Variants in SPOPL observed in about 807,000 individuals in gnomAD.
SPOPL encodes the protein speckle-type POZ protein-like.
SPOPL carries 23 observed loss-of-function variants against 53.8 expected under a neutral mutation model. That is an observed-to-expected ratio of 0.43 (90% confidence interval 0.31 to 0.61). The LOEUF is 0.61. Among genes scored for constraint, SPOPL ranks in the 20% least tolerant of loss-of-function variants. The probability of loss-of-function intolerance (pLI) is 0.12; values close to 1 mark genes in which losing one functional copy is unlikely to be tolerated. For missense variants in SPOPL, 442 were observed against 466.9 expected (o/e 0.95, Z 0.49); for synonymous variants, 164 against 149.7 (o/e 1.10, Z -0.70).
intron 5 of SPOPL, among the ~76,000 whole-genome samples, chr2:138,555,198 TTG>T (rs912054596): frequency 1.3e-5 from 2 of 149,676 alleles, no homozygotes; most frequent in Non-Finnish European, 3.0e-5. Context: ...AATAAACTCA[TTG>T]TCTCAGTAAA....
chr2:138,557,134 C>T (rs6707390), intron 5 of SPOPL, among the ~76,000 whole-genome samples: 17 of 151,302 alleles, frequency 1.1e-4, no homozygotes, highest in African/African-American at 3.9e-4. Flanking sequence ...CCAGCCTGGG[C>T]GACAGAGCAA....
At chr2:138,552,758 C>T in intron 5 of SPOPL, 77 bp downstream of exon 5, 1 of 1,452,728 alleles carries the variant, frequency 6.9e-7, no homozygotes, top group Non-Finnish European at 9.3e-7. Flanking sequence ...ATTAATAACA[C>T]TTTAAAATTA....
chr2:138,570,037 G>T lies in SPOPL; in HGVS notation c.*957G>T, dbSNP rs1463352763. On this transcript the variant is annotated 3_prime_UTR_variant, in exon 11 of 11. Coordinates refer to ENST00000280098, the MANE Select transcript of SPOPL (RefSeq NM_001001664.3). ...TTTTCAAAGAAATTTTTAGATGGAGGCAACTGGGATGTTTGTGATAATAGA... is the reference window on the plus strand; with the variant it reads ...TTTTCAAAGAAATTTTTAGATGGAGTCAACTGGGATGTTTGTGATAATAGA... 6.6e-6 allele frequency: 1 copy of T among 152,454 alleles called. No individual in the cohort carries two copies. The highest frequency in any genetic ancestry group is 1.5e-5 in the Non-Finnish European group (1 of 67,986). 9.4% of individuals were successfully genotyped at this position (152,454 alleles called of 1,614,324 possible).
At chr2:138,510,871 A>C (rs1684310278) in intron 1 of SPOPL, among the ~76,000 whole-genome samples, 1 of 152,238 alleles carries the variant, frequency 6.6e-6, no homozygotes. Context: ...AAGCAAGTAC[A>C]AATACAGGAA....
chr2:138,538,018 T>C (rs939087273), intron 1 of SPOPL, among the ~76,000 whole-genome samples: 1 of 152,172 alleles, frequency 6.6e-6, no homozygotes, highest in Non-Finnish European at 1.5e-5. Flanking sequence ...ATTTGTGAAT[T>C]TTAAAATTTT....
chr2:138,529,753 G>A (rs1459502177), intron 1 of SPOPL, among the ~76,000 whole-genome samples: 1 of 152,104 alleles, frequency 6.6e-6, no homozygotes. Context: ...TCCACAAAAA[G>A]CAGCATTGGG....
At chr2:138,538,295 G>A (rs967148637) in intron 1 of SPOPL, among the ~76,000 whole-genome samples, 2 of 151,900 alleles carry the variant, frequency 1.3e-5, no homozygotes, top group Admixed American at 1.3e-4. Flanking sequence ...ATTGAATGTT[G>A]GGTATTTCTG....
At chr2:138,537,089 C>A (rs900251549) in intron 1 of SPOPL, among the ~76,000 whole-genome samples, 1 of 152,180 alleles carries the variant, frequency 6.6e-6, no homozygotes, top group African/African-American at 2.4e-5. Flanking sequence ...AGAAGGGAGC[C>A]AGCCCCTTAC....
chr2:138,534,890 A>G (rs951403529), intron 1 of SPOPL, among the ~76,000 whole-genome samples: 7 of 152,192 alleles, frequency 4.6e-5, no homozygotes, highest in Admixed American at 3.3e-4. Context: ...ACTTAGCATA[A>G]TGTTTTCAAG....
chr2:138,549,675 A>G (rs1036188415), intron 1 of SPOPL, among the ~76,000 whole-genome samples: 2 of 152,158 alleles, frequency 1.3e-5, no homozygotes, highest in Non-Finnish European at 2.9e-5. Context: ...CTTACAGAGT[A>G]TTCATTGCCT....
At chr2:138,536,374 A>T (rs1213677037) in intron 1 of SPOPL, among the ~76,000 whole-genome samples, 5 of 151,470 alleles carry the variant, frequency 3.3e-5, no homozygotes, top group African/African-American at 9.8e-5. Flanking sequence ...ACACAGTGTT[A>T]AGCCTCTGAT....
Position 138,550,243 on chromosome 2 carries a change from A to T in SPOPL, c.27A>T (p.Leu9=). Residue 9 remains leucine (L), a synonymous_variant, in exon 2 of 11, where the codon CTA becomes CTT. Coordinates refer to ENST00000280098, the MANE Select transcript of SPOPL (RefSeq NM_001001664.3). ...TGTCTCGGGAACCCACCCCACCTCT[A>T]CCTGGAGATATGTCTACTGGTCCCA... MSREPTPP[L]PGDMSTGPIA... The T allele has an allele frequency of 1.2e-6, 2 of 1,613,624 alleles. No individual in the cohort carries two copies. Among genetic ancestry groups the T allele is most frequent in the Non-Finnish European group, 1.7e-6 (2 of 1,179,648 alleles).
chr2:138,557,064 G>C (rs991096559), intron 5 of SPOPL, among the ~76,000 whole-genome samples: 2 of 152,132 alleles, frequency 1.3e-5, no homozygotes, highest in Admixed American at 6.5e-5. Context: ...GCTGAGGCAG[G>C]AGAATGGCAT....
Position 138,502,076 on chromosome 2 carries a change from A to T in SPOPL, c.-104A>T, listed in dbSNP as rs950334963. On this transcript the variant is annotated 5_prime_UTR_variant, in exon 1 of 11. Coordinates refer to ENST00000280098, the MANE Select transcript of SPOPL (RefSeq NM_001001664.3). ...GACACGGCCACCGCCTCAGCGGGAG[A>T]GGAGTCTCCACCAGGACTGACCGCT... 6.6e-6 allele frequency: 1 copy of T among 152,596 alleles called. No homozygotes were observed. Among genetic ancestry groups the T allele is most frequent in the African/African-American group, 2.4e-5 (1 of 41,410 alleles). The allele number at this position is 152,596 out of a possible 1,614,324, so 9.5% of individuals were successfully genotyped here.
intron 1 of SPOPL, among the ~76,000 whole-genome samples, chr2:138,508,068 G>C (rs575975615): frequency 1.5e-4 from 23 of 152,298 alleles, no homozygotes; most frequent in Admixed American, 1.5e-3. Context: ...TATGGTCAAT[G>C]ATGGTGTTTC....
At chr2:138,534,193 T>C (rs1370604274) in intron 1 of SPOPL, among the ~76,000 whole-genome samples, 3 of 152,170 alleles carry the variant, frequency 2.0e-5, no homozygotes, top group Non-Finnish European at 4.4e-5. Context: ...TCAATAGTTA[T>C]AGAAGGTGTT....
intron 5 of SPOPL, chr2:138,554,390 C>A: frequency 1.9e-6 from 2 of 1,078,332 alleles, no homozygotes; most frequent in Non-Finnish European, 2.4e-6. Context: ...ATTCTTCATG[C>A]CCTCCACTGT....
chr2:138,547,655 C>T (rs1010752606), intron 1 of SPOPL, among the ~76,000 whole-genome samples: 4 of 151,980 alleles, frequency 2.6e-5, no homozygotes, highest in African/African-American at 9.7e-5. Flanking sequence ...TTAATTAAAA[C>T]ATAACACATT....
intron 1 of SPOPL, among the ~76,000 whole-genome samples, chr2:138,526,810 T>C (rs1684686958): frequency 6.7e-6 from 1 of 149,852 alleles, no homozygotes; most frequent in Non-Finnish European, 1.5e-5. Context: ...CACTGCAACC[T>C]CCACCTCCTG....
Sources: allele counts gnomAD v4.1 joint callset (sites outside exome capture counted in the v4.1 genomes callset), GRCh38; gene constraint gnomAD v4.1.1; transcripts MANE v1.5; gene names NCBI Gene and HGNC (gene_info 2026-07-23, HGNC 2026-07-21).